Variants in ADAMTSL1 observed in about 807,000 individuals in gnomAD.
ADAMTSL1 encodes ADAMTS-like protein 1.
Under a neutral mutation model 201.8 loss-of-function variants are expected in ADAMTSL1, and 126 were observed. That is an observed-to-expected ratio of 0.62 (90% CI 0.54 to 0.72). The LOEUF (loss-of-function observed/expected upper bound fraction) is 0.72. ADAMTSL1 is among the 30% of genes least tolerant of loss of function. ADAMTSL1 has a pLI of 0.00. For missense variants in ADAMTSL1, 2,679 were observed against 2,277.8 expected (o/e 1.18, Z -3.59); for synonymous variants, 1,121 against 903.4 (o/e 1.24, Z -4.32).
intron 2 of ADAMTSL1, among the ~76,000 whole-genome samples, chr9:18,457,679 C>T (rs1401110435): frequency 1.3e-5 from 2 of 152,152 alleles, no homozygotes; most frequent in Non-Finnish European, 2.9e-5. Context: ...AACTTCCCTT[C>T]CTGTCTTCAG....
At chr9:18,221,167 T>A (rs774890065) in intron 2 of ADAMTSL1, among the ~76,000 whole-genome samples, 13 of 152,186 alleles carry the variant, frequency 8.5e-5, no homozygotes, top group Admixed American at 4.6e-4. Context: ...GTAGAATGTT[T>A]AATTTCAATC....
rs1304107760 is a variant in ADAMTSL1, at chr9:18,503,440, T to TATATATATATATATATATATATATATAC, written c.64-1388_64-1387insTATATATATATATATATATATATATACA. Among the ~76,000 whole-genome samples, 45 of 148,316 alleles carry TATATATATATATATATATATATATATAC rather than the reference T, an allele frequency of 3.0e-4. 1 individual carries two copies. Among genetic ancestry groups the TATATATATATATATATATATATATATAC allele is most frequent in the East Asian group, 2.3e-3 (11 of 4,854 alleles). On this transcript the variant is annotated intron_variant, in intron 1 of 28. Coordinates refer to ENST00000380548, the MANE Select transcript of ADAMTSL1 (RefSeq NM_001040272.6). ...CATTGTGTATATATATATATATATATACCACATTTTGTTTACATATTCATC... is the reference window on the plus strand; with the variant it reads ...CATTGTGTATATATATATATATATATATATATATATATATATATATATATATACACCACATTTTGTTTACATATTCATC...
At chr9:18,665,592 G>T (rs991539154) in intron 9 of ADAMTSL1, among the ~76,000 whole-genome samples, 4 of 152,036 alleles carry the variant, frequency 2.6e-5, no homozygotes, top group Non-Finnish European at 5.9e-5. Flanking sequence ...GGCATGGAGG[G>T]GTCTCAGGAA....
rs113972807 is a variant in ADAMTSL1 at position 18,121,906 on chromosome 9, G to T, written c.88-41956G>T. 2.1e-3 allele frequency among the ~76,000 whole-genome samples: 327 copies of T among 152,138 alleles called. 1 individual carries two copies. Among genetic ancestry groups the T allele is most frequent in the African/African-American group, 7.3e-3 (303 of 41,520 alleles). The stretch of plus-strand genomic sequence containing the variant: ...TTTCATCTCCTCCAAAAGATCCCTT[G>T]TACCAATTTCCCATGTCCTCCTCTA... On this transcript the variant is annotated intron_variant, in intron 1 of 29. Transcript: ENST00000680146.
At chr9:18,184,447 A>G (rs942011467) in intron 2 of ADAMTSL1, among the ~76,000 whole-genome samples, 2 of 152,218 alleles carry the variant, frequency 1.3e-5, no homozygotes, top group Non-Finnish European at 2.9e-5. Flanking sequence ...CACCAGTATC[A>G]AAATTTTCCA....
chr9:18,687,068 G>T (rs1015557399), intron 13 of ADAMTSL1, among the ~76,000 whole-genome samples: 1 of 151,992 alleles, frequency 6.6e-6, no homozygotes, highest in Non-Finnish European at 1.5e-5. Flanking sequence ...GCTGGTGCAG[G>T]GTAAGGGAAA....
At chr9:18,236,533 C>G (rs1334373842) in intron 2 of ADAMTSL1, among the ~76,000 whole-genome samples, 3 of 152,174 alleles carry the variant, frequency 2.0e-5, no homozygotes, top group South Asian at 2.1e-4. Flanking sequence ...ACCTGCTTCC[C>G]TTTCCTGTGA....
intron 23 of ADAMTSL1, among the ~76,000 whole-genome samples, chr9:18,879,378 C>A (rs192785607): frequency 1.3e-5 from 2 of 152,256 alleles, no homozygotes; most frequent in Admixed American, 1.3e-4. Flanking sequence ...AGTAACAACA[C>A]CAGGATTTTT....
At chr9:18,616,903 A>C (rs1201711467) in intron 4 of ADAMTSL1, among the ~76,000 whole-genome samples, 1 of 152,058 alleles carries the variant, frequency 6.6e-6, no homozygotes, top group East Asian at 1.9e-4. Context: ...TTAGAAATGC[A>C]CTCCCTCCCC....
intron 5 of ADAMTSL1, among the ~76,000 whole-genome samples, chr9:18,635,492 A>G (rs1186387852): frequency 1.3e-5 from 2 of 152,202 alleles, no homozygotes; most frequent in African/African-American, 4.8e-5. Context: ...TGGGGTGTTC[A>G]GCGCATACCA....
rs146992810 is a variant in ADAMTSL1, at chr9:18,860,007, A to G, written c.4250-27824A>G. Reference sequence around the variant, plus strand: ...TTGTCCAAGATTTATTAATCTGCCTAATGATGTGTGTGCATATGTGTGATT... The same window carrying G: ...TTGTCCAAGATTTATTAATCTGCCTGATGATGTGTGTGCATATGTGTGATT... On this transcript the variant is annotated intron_variant, in intron 23 of 28. Transcript: ENST00000380548. Among the ~76,000 whole-genome samples, 417 of 152,344 alleles carry G rather than the reference A, an allele frequency of 2.7e-3. 1 individual carries two copies. The highest frequency in any genetic ancestry group is 9.5e-3 in the African/African-American group (394 of 41,576).
intron 2 of ADAMTSL1, among the ~76,000 whole-genome samples, chr9:18,290,566 G>A (rs1489683282): frequency 6.6e-6 from 1 of 151,972 alleles, no homozygotes; most frequent in African/African-American, 2.4e-5. Flanking sequence ...CATGGGGGCT[G>A]TGATGTAAAA....
intron 1 of ADAMTSL1, among the ~76,000 whole-genome samples, chr9:18,492,626 T>G (rs1256645805): frequency 6.6e-6 from 1 of 152,196 alleles, no homozygotes; most frequent in Non-Finnish European, 1.5e-5. Context: ...AGCACTTATA[T>G]TTAAAAAAAT....
chr9:18,811,012 C>CAAAAAAAAAAA (rs76456235), intron 20 of ADAMTSL1, among the ~76,000 whole-genome samples: 14 of 38,760 alleles, frequency 3.6e-4, no homozygotes, highest in East Asian at 2.0e-3. Flanking sequence ...CAATGAGTAC[C>CAAAAAAAAAAA]AAAAAAAAAA....
intron 2 of ADAMTSL1, among the ~76,000 whole-genome samples, chr9:18,358,687 G>T (rs955883086): frequency 1.3e-5 from 2 of 152,240 alleles, no homozygotes; most frequent in East Asian, 1.9e-4. Flanking sequence ...TTCATCCATG[G>T]TATTGCATGT....
At chr9:18,009,374 A>G (rs1370137320) in intron 1 of ADAMTSL1, among the ~76,000 whole-genome samples, 3 of 151,932 alleles carry the variant, frequency 2.0e-5, no homozygotes, top group Admixed American at 1.3e-4. Flanking sequence ...TAGAAACCTA[A>G]ACACTGCACT....
intron 1 of ADAMTSL1, among the ~76,000 whole-genome samples, chr9:17,960,727 C>T (rs887100810): frequency 3.3e-5 from 5 of 152,130 alleles, no homozygotes; most frequent in Non-Finnish European, 7.4e-5. Flanking sequence ...TTTTTAACAT[C>T]TCGGTCTTTT....
At position 18,480,452 on chromosome 9, in the gene ADAMTSL1, G is replaced by A. The variant is rs181207199; in HGVS notation, c.63+6157G>A. Among the ~76,000 whole-genome samples the A allele has an allele frequency of 2.4e-4, 37 of 152,278 alleles. No individual in the cohort carries two copies. In the East Asian group the frequency reaches 7.0e-3, roughly 29 times the overall value. Reference sequence around the variant, plus strand: ...CTCTAAGGAATGGCAAAGCCACCAAGTGGAAGTCTAGGTCCCTGAATGACT... The same window carrying A: ...CTCTAAGGAATGGCAAAGCCACCAAATGGAAGTCTAGGTCCCTGAATGACT... On this transcript the variant is annotated intron_variant, in intron 1 of 28. Transcript: ENST00000380548.
intron 4 of ADAMTSL1, among the ~76,000 whole-genome samples, chr9:18,616,744 T>G (rs75456413): frequency 0.012 from 1,857 of 152,328 alleles, 43 homozygotes; most frequent in African/African-American, 0.043. Context: ...ATTTCTAGAT[T>G]TATCTTTCTT....
Sources: gnomAD v4.1 joint callset for allele counts (sites outside exome capture counted in the v4.1 genomes callset) on GRCh38, gnomAD v4.1.1 for gene constraint, MANE v1.5 for transcripts, NCBI Gene and HGNC (gene_info 2026-07-23, HGNC 2026-07-21) for gene names.